Variants in SYT17 observed in about 807,000 individuals in gnomAD.
SYT17 encodes synaptotagmin 17, also known as synaptotagmin-17.
A neutral mutation model predicts 46.7 loss-of-function variants in SYT17; 22 were observed. That is an observed-to-expected ratio of 0.47 (90% CI 0.34 to 0.67). The LOEUF is 0.67. SYT17 is among the 30% of genes least tolerant of loss of function. SYT17 has a pLI of 0.01. For missense variants in SYT17, 519 were observed against 612.8 expected (o/e 0.85, Z 1.62); for synonymous variants, 251 against 248.4 (o/e 1.01, Z -0.10).
intron 7 of SYT17, among the ~76,000 whole-genome samples, chr16:19,253,402 T>A (rs530522732): frequency 3.2e-4 from 48 of 151,866 alleles, no homozygotes; most frequent in Middle Eastern, 6.8e-3. Flanking sequence ...AAAAAAAAAA[T>A]TTTTTAAAAT....
intron 7 of SYT17, among the ~76,000 whole-genome samples, chr16:19,234,005 G>A (rs1007739738): frequency 6.6e-6 from 1 of 152,162 alleles, no homozygotes; most frequent in African/African-American, 2.4e-5. Context: ...ATGGATTGGA[G>A]TGAGCTACAG....
chr16:19,250,029 T>A, intron 7 of SYT17: 1 of 1,535,886 alleles, frequency 6.5e-7, no homozygotes, highest in Admixed American at 2.0e-5. Flanking sequence ...GAAATGAACA[T>A]TTCCATGGCA....
At chr16:19,237,248 T>A (rs1386289855) in intron 7 of SYT17, among the ~76,000 whole-genome samples, 1 of 152,206 alleles carries the variant, frequency 6.6e-6, no homozygotes, top group Admixed American at 6.5e-5. Flanking sequence ...GTGAATCAAC[T>A]GGGGGTCTTG....
intron 2 of SYT17, 199 bp downstream of exon 2, chr16:19,172,976 C>G (rs1258504165): frequency 3.2e-6 from 2 of 632,068 alleles, no homozygotes; most frequent in African/African-American, 3.7e-5. Context: ...ACAAGTTTCC[C>G]TCTCCACCCC....
At chr16:19,246,705 T>C (rs1967604146) in intron 7 of SYT17, among the ~76,000 whole-genome samples, 1 of 152,246 alleles carries the variant, frequency 6.6e-6, no homozygotes, top group Admixed American at 6.5e-5. Context: ...CCAAAATGTA[T>C]ATGCTTTACT....
At chr16:19,256,935 A>G (rs1341190937) in intron 7 of SYT17, among the ~76,000 whole-genome samples, 1 of 152,078 alleles carries the variant, frequency 6.6e-6, no homozygotes, top group Non-Finnish European at 1.5e-5. Flanking sequence ...AATTTCTACT[A>G]TGCCTCGTGC....
At chr16:19,234,398 T>G (rs1200618492) in intron 7 of SYT17, among the ~76,000 whole-genome samples, 1 of 152,144 alleles carries the variant, frequency 6.6e-6, no homozygotes, top group African/African-American at 2.4e-5. Flanking sequence ...AAACTATTCT[T>G]TTGATGGATC....
chr16:19,216,053 A>G (rs1966085193), intron 5 of SYT17, among the ~76,000 whole-genome samples: 1 of 152,110 alleles, frequency 6.6e-6, no homozygotes, highest in Non-Finnish European at 1.5e-5. Flanking sequence ...CCCTCCCACT[A>G]TATGTGGGAA....
chr16:19,221,417 T>G (rs1427296419), intron 5 of SYT17, among the ~76,000 whole-genome samples: 2 of 152,146 alleles, frequency 1.3e-5, no homozygotes, highest in African/African-American at 4.8e-5. Context: ...AAACCCACAT[T>G]TTTTAAAAAT....
chr16:19,178,724 G>A (rs1027402727), intron 3 of SYT17, among the ~76,000 whole-genome samples: 3 of 152,154 alleles, frequency 2.0e-5, no homozygotes, highest in African/African-American at 7.2e-5. Context: ...AAGTTGGGGG[G>A]TATGCAGCCT....
At chr16:19,197,151 T>G (rs988168134) in intron 5 of SYT17, among the ~76,000 whole-genome samples, 4 of 152,234 alleles carry the variant, frequency 2.6e-5, no homozygotes, top group African/African-American at 4.8e-5. Flanking sequence ...CGTAGAGTCC[T>G]GGCCTTTGTG....
At chr16:19,217,646 C>G (rs1219148706) in intron 5 of SYT17, among the ~76,000 whole-genome samples, 1 of 152,190 alleles carries the variant, frequency 6.6e-6, no homozygotes, top group East Asian at 1.9e-4. Flanking sequence ...GTGAATAGTG[C>G]TGCTATGAAC....
At chr16:19,217,755 C>A (rs1000881427) in intron 5 of SYT17, among the ~76,000 whole-genome samples, 1 of 152,208 alleles carries the variant, frequency 6.6e-6, no homozygotes, top group Non-Finnish European at 1.5e-5. Context: ...TTTACCAAAG[C>A]AGCTGCACCA....
At chr16:19,190,202 TCTA>T in intron 5 of SYT17, among the ~76,000 whole-genome samples, 2 of 152,300 alleles carry the variant, frequency 1.3e-5, no homozygotes, top group South Asian at 4.1e-4. Context: ...AAACCCCGTC[TCTA>T]CTAAAAATAC....
chr16:19,201,643 G>C (rs1050203979), intron 5 of SYT17, among the ~76,000 whole-genome samples: 1 of 142,700 alleles, frequency 7.0e-6, no homozygotes, highest in Non-Finnish European at 1.5e-5. Context: ...CATAAGAAAG[G>C]AAAGTAGCTA....
At chr16:19,173,390 T>G (rs768029078) in intron 2 of SYT17, 40 bp from the exon 3 acceptor site, 2 of 35,464 alleles carry the variant, frequency 5.6e-5, no homozygotes. Context: ...CCACCTCCCC[T>G]CTCCCCCATC....
At chr16:19,223,522 T>C (rs1966398558) in intron 6 of SYT17, among the ~76,000 whole-genome samples, 1 of 152,242 alleles carries the variant, frequency 6.6e-6, no homozygotes, top group Non-Finnish European at 1.5e-5. Context: ...ATTTCATGTG[T>C]GCCATAAATT....
At chr16:19,179,494 TG>T (rs1360032054) in intron 3 of SYT17, among the ~76,000 whole-genome samples, 1 of 152,140 alleles carries the variant, frequency 6.6e-6, no homozygotes, top group African/African-American at 2.4e-5. Flanking sequence ...CTCAAACTCC[TG>T]GCCTCAAGGG....
At chr16:19,216,726 G>C (rs2142833654) in intron 5 of SYT17, among the ~76,000 whole-genome samples, 1 of 152,166 alleles carries the variant, frequency 6.6e-6, no homozygotes, top group Middle Eastern at 3.4e-3. Flanking sequence ...CTTTTTTATG[G>C]CTGCATAGTA....
Sources: allele counts gnomAD v4.1 joint callset (sites outside exome capture counted in the v4.1 genomes callset), GRCh38; gene constraint gnomAD v4.1.1; transcripts MANE v1.5; gene names NCBI Gene and HGNC (gene_info 2026-07-23, HGNC 2026-07-21).